The following CACNA2D1 variants were observed in gnomAD, a reference collection of about 807,000 sequenced individuals.
CACNA2D1 encodes voltage-dependent calcium channel subunit alpha-2/delta-1.
A neutral mutation model predicts 171.5 loss-of-function variants in CACNA2D1; 53 were observed. That is an observed-to-expected ratio of 0.31 (90% confidence interval 0.25 to 0.39). CACNA2D1 has a LOEUF of 0.39. Ranked by LOEUF, CACNA2D1 falls within the 10% of genes least tolerant of loss-of-function variation. CACNA2D1 has a pLI of 1.00. For synonymous variants in CACNA2D1, 442 were observed against 443.1 expected (o/e 1.00, Z 0.03); for missense variants, 903 against 1,299.8 (o/e 0.69, Z 4.69).
At chr7:82,278,840 G>C (rs1809705659) in intron 3 of CACNA2D1, among the ~76,000 whole-genome samples, 2 of 152,156 alleles carry the variant, frequency 1.3e-5, no homozygotes, top group East Asian at 3.9e-4. Context: ...GATACAGAGG[G>C]GTAAGACTTA....
At chr7:82,303,142 C>T (rs911814763) in intron 3 of CACNA2D1, among the ~76,000 whole-genome samples, 14 of 152,022 alleles carry the variant, frequency 9.2e-5, no homozygotes, top group Admixed American at 2.6e-4. Context: ...TACAGGCGCC[C>T]GCCACCATGC....
chr7:82,063,134 GA>G (rs1807156099), intron 9 of CACNA2D1, among the ~76,000 whole-genome samples: 1 of 151,998 alleles, frequency 6.6e-6, no homozygotes, highest in South Asian at 2.1e-4. Flanking sequence ...AAGAATTTTT[GA>G]AAATAGTATT....
At chr7:82,442,438 G>A (rs1320799434) in intron 1 of CACNA2D1, among the ~76,000 whole-genome samples, 2 of 152,134 alleles carry the variant, frequency 1.3e-5, no homozygotes, top group African/African-American at 4.8e-5. Context: ...CAGAATGCCG[G>A]ATAGGCTATT....
chr7:82,436,491 T>G (rs1830128225), intron 1 of CACNA2D1, among the ~76,000 whole-genome samples: 1 of 152,198 alleles, frequency 6.6e-6, no homozygotes, highest in African/African-American at 2.4e-5. Flanking sequence ...CTAGATAATT[T>G]TATTGTCTTT....
intron 20 of CACNA2D1, among the ~76,000 whole-genome samples, chr7:81,992,325 A>C (rs1797630853): frequency 6.6e-6 from 1 of 152,050 alleles, no homozygotes; most frequent in African/African-American, 2.4e-5. Context: ...TTGATGAAGA[A>C]ATAAGTGTTA....
chr7:82,132,064 C>G (rs562942656), intron 5 of CACNA2D1, among the ~76,000 whole-genome samples: 2 of 152,156 alleles, frequency 1.3e-5, no homozygotes, highest in East Asian at 3.9e-4. Context: ...ATTTACAGTT[C>G]TTGACTTTCA....
chr7:81,951,970 T>TTTTTTTTTTTTTTTTTTTTTTTTTTTG (rs1792598684), intron 38 of CACNA2D1, among the ~76,000 whole-genome samples: 1 of 23,958 alleles, frequency 4.2e-5, no homozygotes, highest in African/African-American at 1.7e-4. Context: ...GTACAAAGTG[T>TTTTTTTTTTTTTTTTTTTTTTTTTTTG]TTTTTTTTTT....
chr7:82,245,831 C>G (rs967809059), intron 3 of CACNA2D1, among the ~76,000 whole-genome samples: 1 of 152,124 alleles, frequency 6.6e-6, no homozygotes, highest in Non-Finnish European at 1.5e-5. Context: ...TCTTCACCTT[C>G]TGGCGTAACA....
At chr7:82,169,313 A>G (rs1795782510) in intron 4 of CACNA2D1, among the ~76,000 whole-genome samples, 1 of 152,010 alleles carries the variant, frequency 6.6e-6, no homozygotes, top group South Asian at 2.1e-4. Context: ...TAACCTGTGT[A>G]TGATAAAGGT....
chr7:82,405,649 C>A (rs1826948821), intron 1 of CACNA2D1, among the ~76,000 whole-genome samples: 1 of 152,076 alleles, frequency 6.6e-6, no homozygotes, highest in Non-Finnish European at 1.5e-5. Flanking sequence ...TAAAAAAATG[C>A]AAATTATCAT....
At chr7:82,250,748 T>G (rs10262640) in intron 3 of CACNA2D1, among the ~76,000 whole-genome samples, 1 of 152,104 alleles carries the variant, frequency 6.6e-6, no homozygotes, top group African/African-American at 2.4e-5. Flanking sequence ...ATAATGGCCC[T>G]TTTGTCTGTT....
intron 6 of CACNA2D1, among the ~76,000 whole-genome samples, chr7:82,108,249 T>G (rs999231628): frequency 2.6e-5 from 4 of 152,210 alleles, no homozygotes; most frequent in Non-Finnish European, 5.9e-5. Context: ...ATTTTATTTA[T>G]TCCTAGCAGA....
chr7:81,990,991 T>C lies in CACNA2D1; in HGVS notation c.1796+194A>G, dbSNP rs183602668. Reference sequence around the variant, plus strand: ...ACAAAATATATATATTTATATCACATAGGTTTTCATTTCTAAATTTTATAT... The same window carrying C: ...ACAAAATATATATATTTATATCACACAGGTTTTCATTTCTAAATTTTATAT... On this transcript the variant is annotated intron_variant, in intron 21 of 38. Transcript: ENST00000356860. 4.6e-5 allele frequency among the ~76,000 whole-genome samples: 7 copies of C among 152,240 alleles called. No homozygotes were observed. In the East Asian group the frequency reaches 1.4e-3, roughly 29 times the overall value.
intron 6 of CACNA2D1, among the ~76,000 whole-genome samples, chr7:82,088,331 AC>A (rs1264950702): frequency 6.6e-6 from 1 of 152,186 alleles, no homozygotes; most frequent in African/African-American, 2.4e-5. Context: ...GAAAAATAAA[AC>A]AAGGCCAAAT....
intron 3 of CACNA2D1, among the ~76,000 whole-genome samples, chr7:82,328,124 C>T (rs982731144): frequency 6.6e-6 from 1 of 152,152 alleles, no homozygotes; most frequent in African/African-American, 2.4e-5. Flanking sequence ...TTAACATCCA[C>T]AGGCATGTAT....
rs868424373 is a variant in CACNA2D1 at position 82,438,260 on chromosome 7, C to T, written c.95+5105G>A. 7.9e-5 allele frequency among the ~76,000 whole-genome samples: 12 copies of T among 152,086 alleles called. No individual in the cohort carries two copies. In the Middle Eastern group the frequency reaches 0.014, roughly 172 times the overall value. On this transcript the variant is annotated intron_variant, in intron 1 of 38. Transcript: ENST00000356860. The stretch of plus-strand genomic sequence containing the variant: ...TATGCACACTTGTTAATAAACTTAC[C>T]TTACTGAGGTTTTTCTACTCTGTCA...
intron 3 of CACNA2D1, among the ~76,000 whole-genome samples, chr7:82,195,417 T>A (rs1798750556): frequency 6.6e-6 from 1 of 152,018 alleles, no homozygotes; most frequent in South Asian, 2.1e-4. Flanking sequence ...CCAAAGTATA[T>A]TGATACAGCA....
chr7:81,961,813 GTATATA>G, intron 36 of CACNA2D1, 75 bp downstream of exon 36: 1 of 118,940 alleles, frequency 8.4e-6, no homozygotes, highest in Non-Finnish European at 1.2e-5. Context: ...GATTATAACA[GTATATA>G]CAATTTCTTA....
chr7:82,246,986 G>A (rs1805004623), intron 3 of CACNA2D1, among the ~76,000 whole-genome samples: 1 of 152,128 alleles, frequency 6.6e-6, no homozygotes, highest in Non-Finnish European at 1.5e-5. Context: ...CCAGCTTTGA[G>A]AAGAAGGGAG....
Sources: allele counts gnomAD v4.1 joint callset (sites outside exome capture counted in the v4.1 genomes callset), GRCh38; gene constraint gnomAD v4.1.1; transcripts MANE v1.5; gene names NCBI Gene and HGNC (gene_info 2026-07-23, HGNC 2026-07-21).